The following SYNJ2BP variants were observed in gnomAD, a reference collection of about 807,000 sequenced individuals.
SYNJ2BP encodes the protein synaptojanin 2 binding protein.
A neutral mutation model predicts 16.9 loss-of-function variants in SYNJ2BP; 10 were observed. That is an observed-to-expected ratio of 0.59 (90% CI 0.36 to 1.00). The LOEUF is 1.00. SYNJ2BP is among the 50% of genes least tolerant of loss of function. The pLI, the probability that SYNJ2BP is intolerant of heterozygous loss-of-function variation, is 0.01. For missense variants in SYNJ2BP, 162 were observed against 186.7 expected, an observed-to-expected ratio of 0.87 and a Z score of 0.77; for synonymous variants, 54 against 68.4, an observed-to-expected ratio of 0.79 and a Z score of 1.04.
intron 1 of SYNJ2BP, among the ~76,000 whole-genome samples, chr14:70,396,580 G>GTATGTATGTA (rs1358612938): frequency 3.3e-5 from 2 of 60,956 alleles, no homozygotes; most frequent in African/African-American, 1.3e-4. Flanking sequence ...ATGTGTGTAT[G>GTATGTATGTA]TATGTATGTA....
chr14:70,412,228 T>A (rs182958389), intron 1 of SYNJ2BP, among the ~76,000 whole-genome samples: 2 of 152,042 alleles, frequency 1.3e-5, no homozygotes, highest in Non-Finnish European at 2.9e-5. Context: ...CATGATATAA[T>A]AAAATAAAGG....
intron 2 of SYNJ2BP, among the ~76,000 whole-genome samples, chr14:70,384,508 A>G (rs1367051346): frequency 6.6e-6 from 1 of 152,164 alleles, no homozygotes; most frequent in African/African-American, 2.4e-5. Context: ...GTGATGGAAC[A>G]GGCTGTTTCA....
chr14:70,397,444 C>T (rs374229885), intron 1 of SYNJ2BP, among the ~76,000 whole-genome samples: 2 of 152,170 alleles, frequency 1.3e-5, no homozygotes, highest in African/African-American at 2.4e-5. Flanking sequence ...TTGCTTGATA[C>T]ATTTTGGCAC....
chr14:70,375,748 G>C lies in SYNJ2BP; in HGVS notation c.225C>G (p.Asn75Lys). ...ILSVNGQDLK[N>K]LLHQDAVDLF... ...GGTCTACAGCATCCTGGTGCAGCAG[G>C]TTCTTTAGGTCTTGGCCATTTACCT... Residue 75 changes from asparagine to lysine, a missense_variant, in exon 3 of 4, where the codon AAC becomes AAG. Coordinates refer to ENST00000256366, the MANE Select transcript of SYNJ2BP (RefSeq NM_018373.3). The C allele has an allele frequency of 6.2e-7, 1 of 1,614,074 alleles. No individual in the cohort carries two copies. Among genetic ancestry groups the C allele is most frequent in the Non-Finnish European group, 8.5e-7 (1 of 1,179,972 alleles).
chr14:70,366,617 A>C lies in SYNJ2BP; in HGVS notation c.*6374T>G, dbSNP rs1887392850. On this transcript the variant is annotated 3_prime_UTR_variant, in exon 4 of 4. Coordinates refer to ENST00000256366, the MANE Select transcript of SYNJ2BP (RefSeq NM_018373.3). ...AACAAAGCCTGAAAGATTACCATAG[A>C]TTTTGATGGCCTCATTAACATAATT... 1 of 152,206 alleles carries C rather than the reference A, an allele frequency of 6.6e-6. No individual in the cohort carries two copies. Among genetic ancestry groups the C allele is most frequent in the South Asian group, 2.1e-4 (1 of 4,832 alleles). 9.4% of individuals were successfully genotyped at this position (152,206 alleles called of 1,614,324 possible).
intron 3 of SYNJ2BP, among the ~76,000 whole-genome samples, chr14:70,373,683 C>A (rs1054183777): frequency 1.3e-5 from 2 of 152,170 alleles, no homozygotes; most frequent in Non-Finnish European, 2.9e-5. Flanking sequence ...TTTTGCCCTT[C>A]ATCTGCTCAT....
intron 2 of SYNJ2BP, among the ~76,000 whole-genome samples, chr14:70,380,639 G>A (rs1265052873): frequency 6.9e-6 from 1 of 144,974 alleles, no homozygotes; most frequent in Non-Finnish European, 1.5e-5. Context: ...TCCAGCCTGG[G>A]CAACAGAGCA....
intron 2 of SYNJ2BP, among the ~76,000 whole-genome samples, chr14:70,385,767 C>T (rs1887847036): frequency 6.6e-6 from 1 of 152,090 alleles, no homozygotes; most frequent in Non-Finnish European, 1.5e-5. Flanking sequence ...AATCCTAGCT[C>T]CTCATTTACC....
intron 1 of SYNJ2BP, among the ~76,000 whole-genome samples, chr14:70,415,154 C>A (rs1277954383): frequency 2.2e-5 from 3 of 134,284 alleles, no homozygotes; most frequent in African/African-American, 5.5e-5. Flanking sequence ...GCCTGGGCAA[C>A]AAAGTGAGAC....
In SYNJ2BP at chr14:70,372,946, A is replaced by T; in HGVS notation, c.*45T>A. 1 of 1,609,222 alleles carries T rather than the reference A, an allele frequency of 6.2e-7. No individual in the cohort carries two copies. The highest frequency in any genetic ancestry group is 1.3e-5 in the African/African-American group (1 of 74,978). The stretch of plus-strand genomic sequence containing the variant: ...GGCAGAATAGCAGGGGTGGAGGGTG[A>T]GTGAAATGTATCTTCATTGGGAGTA... On this transcript the variant is annotated 3_prime_UTR_variant, in exon 4 of 4. Transcript: ENST00000256366.
In SYNJ2BP at chr14:70,369,898, G is replaced by A. The variant is rs1268469735; in HGVS notation, c.*3093C>T. ...TTTGAACGTAATAATTTAGGTAGTA[G>A]GAACATTAGATGCAATCTATAGAAG... On this transcript the variant is annotated 3_prime_UTR_variant, in exon 4 of 4. Transcript: ENST00000256366. The A allele has an allele frequency of 6.6e-6, 1 of 152,134 alleles. No individual in the cohort carries two copies. The highest frequency in any genetic ancestry group is 1.9e-4 in the East Asian group (1 of 5,202). The allele number at this position is 152,134 out of a possible 1,614,324, so 9.4% of individuals were successfully genotyped here. A position where few individuals can be genotyped will look rare whatever the true frequency, so the allele number is the denominator to read the frequency against.
intron 1 of SYNJ2BP, among the ~76,000 whole-genome samples, chr14:70,393,860 C>G (rs1888030878): frequency 6.6e-6 from 1 of 151,376 alleles, no homozygotes; most frequent in South Asian, 2.1e-4. Flanking sequence ...GCATGCGGAG[C>G]TTAAAACCTA....
At chr14:70,406,401 G>A (rs1408821841) in intron 1 of SYNJ2BP, among the ~76,000 whole-genome samples, 2 of 152,100 alleles carry the variant, frequency 1.3e-5, no homozygotes, top group Non-Finnish European at 2.9e-5. Flanking sequence ...ACTTTGGGAG[G>A]AACTTAGCTT....
At position 70,373,216 on chromosome 14, in the gene SYNJ2BP, G is replaced by A. The variant is rs1423630790; in HGVS notation, c.298-85C>T. 4 of 1,559,232 alleles carry A rather than the reference G, an allele frequency of 2.6e-6. No homozygotes were observed. In the East Asian group the frequency reaches 9.0e-5, roughly 35 times the overall value. ...CCAGGTTGATACATCACCTGGGTTT[G>A]TAGACTCTAGACCACCCAAAACTGT... On this transcript the variant is annotated intron_variant, in intron 3 of 3. Coordinates refer to ENST00000256366, the MANE Select transcript of SYNJ2BP (RefSeq NM_018373.3).
At chr14:70,398,425 G>A (rs902091713) in intron 1 of SYNJ2BP, among the ~76,000 whole-genome samples, 7 of 152,216 alleles carry the variant, frequency 4.6e-5, no homozygotes, top group Admixed American at 2.6e-4. Context: ...GTGCTGAGCT[G>A]CCCTCAGCAC....
intron 1 of SYNJ2BP, among the ~76,000 whole-genome samples, chr14:70,396,457 T>G (rs557026801): frequency 9.2e-5 from 14 of 152,244 alleles, no homozygotes; most frequent in Non-Finnish European, 1.6e-4. Context: ...AGGAGTGGAA[T>G]TGCAGAATCA....
chr14:70,381,946 C>CAGTT (rs1887759096), intron 2 of SYNJ2BP, among the ~76,000 whole-genome samples: 1 of 152,138 alleles, frequency 6.6e-6, no homozygotes, highest in Non-Finnish European at 1.5e-5. Flanking sequence ...GGGTCAAGAC[C>CAGTT]AGTTGTTTGG....
At chr14:70,412,527 T>C (rs953586713) in intron 1 of SYNJ2BP, among the ~76,000 whole-genome samples, 2 of 148,038 alleles carry the variant, frequency 1.4e-5, no homozygotes, top group Non-Finnish European at 3.0e-5. Flanking sequence ...ATACAGTATA[T>C]ATGTATGTAT....
intron 3 of SYNJ2BP, among the ~76,000 whole-genome samples, chr14:70,375,049 C>T (rs577214136): frequency 1.1e-4 from 17 of 150,120 alleles, no homozygotes; most frequent in Admixed American, 5.3e-4. Flanking sequence ...TCCCAAAGTG[C>T]TAAGAGTACA....
Sources: allele counts gnomAD v4.1 joint callset (sites outside exome capture counted in the v4.1 genomes callset), GRCh38; gene constraint gnomAD v4.1.1; transcripts MANE v1.5; gene names NCBI Gene and HGNC (gene_info 2026-07-23, HGNC 2026-07-21).